GALNTL6: variants seen among roughly 807,000 people sequenced by gnomAD.
GALNTL6 encodes the protein polypeptide N-acetylgalactosaminyltransferase like 6.
GALNTL6 carries 46 observed loss-of-function variants against 73.7 expected under a neutral mutation model. That is an observed-to-expected ratio of 0.62 (90% CI 0.49 to 0.80). The LOEUF (loss-of-function observed/expected upper bound fraction) is 0.80. Among genes scored for constraint, GALNTL6 ranks in the 30% least tolerant of loss-of-function variants. The pLI is 0.00. For synonymous variants in GALNTL6, 259 were observed against 263.7 expected (o/e 0.98, Z 0.17); for missense variants, 604 against 755.0 (o/e 0.80, Z 2.34).
intron 5 of GALNTL6, among the ~76,000 whole-genome samples, chr4:172,608,178 T>C (rs182609605): frequency 1.3e-5 from 2 of 152,292 alleles, no homozygotes; most frequent in Admixed American, 1.3e-4. Flanking sequence ...CAATTGCTTT[T>C]GGCATCTTCA....
chr4:171,975,708 G>T (rs1181241792), intron 2 of GALNTL6, among the ~76,000 whole-genome samples: 1 of 152,110 alleles, frequency 6.6e-6, no homozygotes, highest in Non-Finnish European at 1.5e-5. Flanking sequence ...AAAAGAACTT[G>T]CTCTATTTTA....
At chr4:172,669,540 A>G (rs1477073027) in intron 5 of GALNTL6, among the ~76,000 whole-genome samples, 1 of 152,186 alleles carries the variant, frequency 6.6e-6, no homozygotes. Flanking sequence ...CCACTTTGTC[A>G]GTCATTGCTT....
chr4:172,814,233 A>G (rs1232126938), intron 7 of GALNTL6, among the ~76,000 whole-genome samples: 1 of 152,210 alleles, frequency 6.6e-6, no homozygotes, highest in Non-Finnish European at 1.5e-5. Context: ...ATTCAATCAA[A>G]GTGATATACC....
intron 7 of GALNTL6, among the ~76,000 whole-genome samples, chr4:172,849,534 G>A (rs1743702311): frequency 6.6e-6 from 1 of 152,152 alleles, no homozygotes; most frequent in African/African-American, 2.4e-5. Flanking sequence ...ATGAGCAAAT[G>A]AATGGCATCC....
chr4:171,961,993 A>G (rs1488484025), intron 2 of GALNTL6, among the ~76,000 whole-genome samples: 1 of 152,206 alleles, frequency 6.6e-6, no homozygotes, highest in Non-Finnish European at 1.5e-5. Context: ...CTTAAATCGA[A>G]CACTTATTAA....
At chr4:171,955,564 T>C (rs1739017980) in intron 2 of GALNTL6, among the ~76,000 whole-genome samples, 1 of 152,122 alleles carries the variant, frequency 6.6e-6, no homozygotes, top group Admixed American at 6.6e-5. Flanking sequence ...TTAAATCATC[T>C]CTAGATTACT....
At position 172,097,773 on chromosome 4, in the gene GALNTL6, T is replaced by C. The variant is rs144285274; in HGVS notation, c.139-131883T>C. Among the ~76,000 whole-genome samples, 24 of 152,292 alleles carry C rather than the reference T, an allele frequency of 1.6e-4. No homozygotes were observed. In the East Asian group the frequency reaches 4.4e-3, roughly 28 times the overall value. On this transcript the variant is annotated intron_variant, in intron 2 of 12. Transcript: ENST00000506823. ...TTTGATTAAGCTACTGTTAACTTGG[T>C]TTGCTCTATAACTGGTCAAATGCAT...
At chr4:172,307,172 G>T (rs1740168703) in intron 3 of GALNTL6, among the ~76,000 whole-genome samples, 1 of 152,040 alleles carries the variant, frequency 6.6e-6, no homozygotes. Context: ...GAGTAAGATG[G>T]TATCATATTA....
intron 5 of GALNTL6, among the ~76,000 whole-genome samples, chr4:172,620,079 G>GT (rs918765292): frequency 6.6e-6 from 1 of 151,998 alleles, no homozygotes; most frequent in Non-Finnish European, 1.5e-5. Context: ...CAGTTTTCAT[G>GT]TTTTTAGTCT....
At chr4:172,208,981 G>A (rs1051026759) in intron 2 of GALNTL6, among the ~76,000 whole-genome samples, 1 of 152,120 alleles carries the variant, frequency 6.6e-6, no homozygotes, top group Non-Finnish European at 1.5e-5. Context: ...AAATACATGA[G>A]AAAGGTTAAA....
At chr4:172,004,050 G>A (rs1740755296) in intron 2 of GALNTL6, among the ~76,000 whole-genome samples, 1 of 152,238 alleles carries the variant, frequency 6.6e-6, no homozygotes, top group East Asian at 1.9e-4. Flanking sequence ...CCAGAGCTAA[G>A]AGGATACAAC....
At chr4:172,102,730 G>A (rs1054355829) in intron 2 of GALNTL6, among the ~76,000 whole-genome samples, 2 of 152,174 alleles carry the variant, frequency 1.3e-5, no homozygotes, top group Non-Finnish European at 1.5e-5. Context: ...TTTAACACTA[G>A]AGAAAGTGGT....
At chr4:172,653,468 G>C (rs1383349490) in intron 5 of GALNTL6, among the ~76,000 whole-genome samples, 1 of 151,956 alleles carries the variant, frequency 6.6e-6, no homozygotes, top group Non-Finnish European at 1.5e-5. Flanking sequence ...TGATCTGCCC[G>C]CCTCGGCCTC....
At chr4:172,459,426 C>T (rs778915920) in intron 5 of GALNTL6, among the ~76,000 whole-genome samples, 9 of 152,170 alleles carry the variant, frequency 5.9e-5, no homozygotes, top group Non-Finnish European at 1.2e-4. Context: ...GTCAAATTGC[C>T]TCTGTATGCA....
chr4:171,842,408 A>G (rs1414848758), intron 2 of GALNTL6, among the ~76,000 whole-genome samples: 1 of 152,128 alleles, frequency 6.6e-6, no homozygotes, highest in Admixed American at 6.6e-5. Context: ...AAGTTTTGGA[A>G]ATAATCCTGT....
At chr4:172,040,764 G>A (rs1505486) in intron 2 of GALNTL6, among the ~76,000 whole-genome samples, 143,082 of 152,128 alleles carry the variant, frequency 0.94, 67,726 homozygotes, top group Non-Finnish European at 1. Flanking sequence ...GATTCCAACT[G>A]CAATTCCCAT....
chr4:172,702,739 A>G (rs555624369), intron 5 of GALNTL6, among the ~76,000 whole-genome samples: 27 of 152,068 alleles, frequency 1.8e-4, no homozygotes, highest in Non-Finnish European at 2.8e-4. Context: ...TAAATTTCTG[A>G]GAAATAAATT....
At position 172,932,907 on chromosome 4, in the gene GALNTL6, T is replaced by C. The variant is rs34625762; in HGVS notation, c.1149+1639T>C. 9.4e-3 allele frequency among the ~76,000 whole-genome samples: 1,436 copies of C among 152,314 alleles called. 9 individuals carry two copies. The highest frequency in any genetic ancestry group is 0.017 in the Non-Finnish European group (1,145 of 68,026). On this transcript the variant is annotated intron_variant, in intron 9 of 12. Coordinates refer to ENST00000506823, the MANE Select transcript of GALNTL6 (RefSeq NM_001034845.3). Reference sequence around the variant, plus strand: ...ATGGATGCCCAACCTGTAGTAATATTCCTGCTTTCCTAACTAAATTAAAAT... The same window carrying C: ...ATGGATGCCCAACCTGTAGTAATATCCCTGCTTTCCTAACTAAATTAAAAT...
intron 5 of GALNTL6, among the ~76,000 whole-genome samples, chr4:172,392,235 C>T (rs373277296): frequency 2.8e-4 from 43 of 152,188 alleles, no homozygotes; most frequent in Admixed American, 1.3e-3. Flanking sequence ...GTGATCTGCC[C>T]GCCTTGACCT....
Sources: gnomAD v4.1 joint callset for allele counts (sites outside exome capture counted in the v4.1 genomes callset) on GRCh38, gnomAD v4.1.1 for gene constraint, MANE v1.5 for transcripts, NCBI Gene and HGNC (gene_info 2026-07-23, HGNC 2026-07-21) for gene names.